QTMAN: variants seen among roughly 807,000 people sequenced by gnomAD.
The protein encoded by QTMAN is queuosine-tRNA mannosyltransferase, also known as tRNA-queuosine alpha-mannosyltransferase.
chr2:144,123,535 C>T, the QTMAN span, among the ~76,000 whole-genome samples: 1 of 152,038 alleles, frequency 6.6e-6, no homozygotes, highest in East Asian at 1.9e-4. Context: ...TTCCACATGG[C>T]CCATCATCAA....
At chr2:143,982,387 C>G in the QTMAN span, among the ~76,000 whole-genome samples, 1 of 151,624 alleles carries the variant, frequency 6.6e-6, no homozygotes, top group African/African-American at 2.4e-5. Context: ...TGCACCACTA[C>G]GCCCAGCTAA....
chr2:144,021,055 C>T, the QTMAN span, among the ~76,000 whole-genome samples: 19 of 148,306 alleles, frequency 1.3e-4, no homozygotes, highest in Non-Finnish European at 1.5e-4. Context: ...AAGTGAACAC[C>T]GAGAAAATAG....
chr2:144,159,450 T>A, the QTMAN span, among the ~76,000 whole-genome samples: 1 of 152,028 alleles, frequency 6.6e-6, no homozygotes. Context: ...CACTTTCTCA[T>A]CATGGGGCCG....
At chr2:144,051,214 G>A in the QTMAN span, among the ~76,000 whole-genome samples, 2 of 152,088 alleles carry the variant, frequency 1.3e-5, no homozygotes, top group Non-Finnish European at 2.9e-5. Flanking sequence ...TGGGGTGTGT[G>A]TGTGTGTGTG....
the QTMAN span, among the ~76,000 whole-genome samples, chr2:144,004,781 G>A: frequency 6.6e-6 from 1 of 151,934 alleles, no homozygotes; most frequent in South Asian, 2.1e-4. Context: ...ACTCCATGCA[G>A]GACCCAACAG....
At chr2:144,120,373 C>T in the QTMAN span, among the ~76,000 whole-genome samples, 13 of 152,118 alleles carry the variant, frequency 8.5e-5, no homozygotes, top group Non-Finnish European at 1.0e-4. Context: ...CTCTAAACTC[C>T]CTCACCTTCT....
the QTMAN span, among the ~76,000 whole-genome samples, chr2:144,008,255 T>C: frequency 6.6e-6 from 1 of 151,204 alleles, no homozygotes; most frequent in Non-Finnish European, 1.5e-5. Flanking sequence ...TAGAGAAGAG[T>C]AGGAGACAGA....
At chr2:144,288,478 A>G in the QTMAN span, among the ~76,000 whole-genome samples, 9 of 152,372 alleles carry the variant, frequency 5.9e-5, no homozygotes, top group Middle Eastern at 3.4e-3. Context: ...ATTTGAATTA[A>G]TATGAAATAA....
chr2:144,093,121 T>C, the QTMAN span, among the ~76,000 whole-genome samples: 2 of 152,168 alleles, frequency 1.3e-5, no homozygotes, highest in East Asian at 1.9e-4. Flanking sequence ...TGAGAAAGCA[T>C]GCTGGTCATA....
At chr2:143,968,230 C>G in the QTMAN span, among the ~76,000 whole-genome samples, 1 of 152,184 alleles carries the variant, frequency 6.6e-6, no homozygotes. Context: ...TCTGTTGCTA[C>G]TAGGAGTAAC....
At chr2:143,974,969 A>G in the QTMAN span, among the ~76,000 whole-genome samples, 8 of 152,174 alleles carry the variant, frequency 5.3e-5, no homozygotes, top group Non-Finnish European at 1.0e-4. Flanking sequence ...CAAGCTTCCC[A>G]ACAAATTTCC....
chr2:143,976,174 G>A, the QTMAN span, among the ~76,000 whole-genome samples: 1 of 151,432 alleles, frequency 6.6e-6, no homozygotes, highest in African/African-American at 2.4e-5. Context: ...CTTTTAGGCA[G>A]TTTTTGACTT....
At chr2:144,090,508 A>T in the QTMAN span, among the ~76,000 whole-genome samples, 2 of 152,106 alleles carry the variant, frequency 1.3e-5, no homozygotes, top group Non-Finnish European at 2.9e-5. Context: ...GTTACTTTAA[A>T]AATGCGAAAC....
At chr2:144,250,739 C>T in the QTMAN span, among the ~76,000 whole-genome samples, 1 of 138,010 alleles carries the variant, frequency 7.2e-6, no homozygotes, top group African/African-American at 2.8e-5. Flanking sequence ...TCCTGAATTG[C>T]TCTTTAAGGC....
the QTMAN span, among the ~76,000 whole-genome samples, chr2:144,253,631 A>G: frequency 7.2e-5 from 11 of 152,264 alleles, no homozygotes; most frequent in African/African-American, 2.6e-4. Flanking sequence ...CCTGCCCTAG[A>G]CATCTGTGAG....
chr2:144,269,170 C>T, the QTMAN span, among the ~76,000 whole-genome samples: 3 of 152,120 alleles, frequency 2.0e-5, no homozygotes, highest in Admixed American at 6.5e-5. Flanking sequence ...TCATAATATA[C>T]GCTAACTGAT....
chr2:144,082,885 C>T, the QTMAN span, among the ~76,000 whole-genome samples: 3 of 152,024 alleles, frequency 2.0e-5, no homozygotes, highest in Non-Finnish European at 4.4e-5. Flanking sequence ...AATTAAAATA[C>T]ACACGCACAC....
At chr2:144,157,162 GTGTT>G in the QTMAN span, among the ~76,000 whole-genome samples, 1 of 152,054 alleles carries the variant, frequency 6.6e-6, no homozygotes, top group African/African-American at 2.4e-5. Context: ...TTTATTTACA[GTGTT>G]TGTTTATTTT....
At chr2:144,027,945 C>T in the QTMAN span, among the ~76,000 whole-genome samples, 6,246 of 152,232 alleles carry the variant, frequency 0.041, 196 homozygotes, top group East Asian at 0.078. Context: ...GACTTGCTCT[C>T]GTGCTGTAGA....
Sources: gnomAD v4.1 joint callset for allele counts (sites outside exome capture counted in the v4.1 genomes callset) on GRCh38, gnomAD v4.1.1 for gene constraint, MANE v1.5 for transcripts, NCBI Gene and HGNC (gene_info 2026-07-23, HGNC 2026-07-21) for gene names.